Variants in DGKD observed in about 807,000 individuals in gnomAD.
The protein encoded by DGKD is diacylglycerol kinase delta, also known as DAG kinase delta.
Under a neutral mutation model 154.4 loss-of-function variants are expected in DGKD, and 68 were observed. That is an observed-to-expected ratio of 0.44 (90% CI 0.36 to 0.54). The LOEUF (loss-of-function observed/expected upper bound fraction) is 0.54. Among genes scored for constraint, DGKD ranks in the 20% least tolerant of loss-of-function variants. The probability of loss-of-function intolerance (pLI) is 0.00; values close to 1 mark genes in which losing one functional copy is unlikely to be tolerated. For synonymous variants in DGKD, 693 were observed against 638.0 expected (o/e 1.09, Z -1.30); for missense variants, 1,343 against 1,593.6 (o/e 0.84, Z 2.68).
At chr2:233,409,761 T>TA (rs1403135097) in intron 3 of DGKD, among the ~76,000 whole-genome samples, 1 of 142,172 alleles carries the variant, frequency 7.0e-6, no homozygotes, top group Non-Finnish European at 1.5e-5. Context: ...AGTGTAAACC[T>TA]AAAAAACATG....
chr2:233,451,355 G>A (rs1396043851), intron 17 of DGKD, among the ~76,000 whole-genome samples: 4 of 152,096 alleles, frequency 2.6e-5, no homozygotes, highest in Non-Finnish European at 5.9e-5. Context: ...GAAAAGGGAG[G>A]TGGCCGGCCT....
Position 233,422,233 on chromosome 2 carries a change from C to T in DGKD, c.349-12147C>T, listed in dbSNP as rs1291573830. On this transcript the variant is annotated intron_variant, in intron 3 of 29. Coordinates refer to ENST00000264057, the MANE Select transcript of DGKD (RefSeq NM_152879.3). Reference sequence around the variant, plus strand: ...ACTACTGTTTGAGGGCAGGAGCCTGCGATTCTGACATCCTCTCTTCATGGC... The same window carrying T: ...ACTACTGTTTGAGGGCAGGAGCCTGTGATTCTGACATCCTCTCTTCATGGC... Among the ~76,000 whole-genome samples the T allele has an allele frequency of 2.6e-5, 4 of 152,250 alleles. No individual in the cohort carries two copies. In the East Asian group the frequency reaches 5.8e-4, roughly 22 times the overall value.
chr2:233,450,252 A>G lies in DGKD; in HGVS notation c.2038+121A>G, dbSNP rs2063230101. On this transcript the variant is annotated intron_variant, in intron 16 of 29. Transcript: ENST00000264057. The stretch of plus-strand genomic sequence containing the variant: ...ATAGTTGCTTTGGCCACTTGGTTAC[A>G]TAAAAATTGAGCGCCCAAGGCCTGT... 39 of 1,307,742 alleles carry G rather than the reference A, an allele frequency of 3.0e-5. No individual in the cohort carries two copies. In the South Asian group the frequency reaches 5.8e-4, roughly 19 times the overall value. The allele number at this position is 1,307,742 out of a possible 1,614,324, so 81.0% of individuals were successfully genotyped here.
chr2:233,365,937 G>A (rs1308134740), intron 1 of DGKD, among the ~76,000 whole-genome samples: 2 of 152,174 alleles, frequency 1.3e-5, no homozygotes, highest in African/African-American at 4.8e-5. Context: ...TGAAAATCAG[G>A]TAGTTAGAAG....
chr2:233,389,969 C>T lies in DGKD; in HGVS notation c.268-434C>T, dbSNP rs188849346. Among the ~76,000 whole-genome samples, 21 of 152,302 alleles carry T rather than the reference C, an allele frequency of 1.4e-4. 1 individual carries two copies. In the East Asian group the frequency reaches 3.5e-3, roughly 25 times the overall value. ...CCAGGACCTTCCCCCTCCATGTGCT[C>T]GCTGGAGGAACAAGCCAGGAGGACA... On this transcript the variant is annotated intron_variant, in intron 2 of 29. Transcript: ENST00000264057.
intron 29 of DGKD, 75 bp downstream of exon 29, chr2:233,468,628 C>A: frequency 6.3e-7 from 1 of 1,589,862 alleles, no homozygotes; most frequent in South Asian, 1.1e-5. Flanking sequence ...TCCTCTCCCC[C>A]GACCTGGCCA....
Position 233,471,537 on chromosome 2 carries a change from G to T in DGKD, c.*2077G>T, listed in dbSNP as rs41264149. On this transcript the variant is annotated 3_prime_UTR_variant, in exon 30 of 30. Transcript: ENST00000264057. ...AAGCCCCAGGCAAGCTGGAACTTGGGTGGGGAGGGGACATGAGGAGGATAA... is the reference window on the plus strand; with the variant it reads ...AAGCCCCAGGCAAGCTGGAACTTGGTTGGGGAGGGGACATGAGGAGGATAA... 0.037 allele frequency: 5,636 copies of T among 152,502 alleles called. 156 individuals are homozygous for T. Among genetic ancestry groups the T allele is most frequent in the Non-Finnish European group, 0.054 (3,698 of 68,064 alleles). The allele number at this position is 152,502 out of a possible 1,614,324, so 9.4% of individuals were successfully genotyped here. A position where few individuals can be genotyped will look rare whatever the true frequency, so the allele number is the denominator to read the frequency against.
intron 1 of DGKD, among the ~76,000 whole-genome samples, chr2:233,372,390 T>C (rs923960269): frequency 6.6e-6 from 1 of 152,176 alleles, no homozygotes; most frequent in Non-Finnish European, 1.5e-5. Context: ...AAACTTGAAA[T>C]AACACTCATC....
chr2:233,437,644 C>T (rs946375370), intron 8 of DGKD, among the ~76,000 whole-genome samples, 165 bp downstream of exon 8: 1 of 152,244 alleles, frequency 6.6e-6, no homozygotes, highest in Non-Finnish European at 1.5e-5. Context: ...CGGCACACGG[C>T]GCCCTGATGC....
rs1400705874 is a variant in DGKD, at chr2:233,452,358, T to A, written c.2264+298T>A. Among the ~76,000 whole-genome samples, 1 of 152,208 alleles carries A rather than the reference T, an allele frequency of 6.6e-6. No individual in the cohort carries two copies. Among genetic ancestry groups the A allele is most frequent in the Non-Finnish European group, 1.5e-5 (1 of 68,038 alleles). On this transcript the variant is annotated intron_variant, in intron 18 of 29. Coordinates refer to ENST00000264057, the MANE Select transcript of DGKD (RefSeq NM_152879.3). This position sits in a 1 kb window ranked among gnomAD's most constrained non-coding sequence, Gnocchi z 4.0. ...TGAGGCTTTTCACAGGCTCAGCTAC[T>A]CCTGCCAGGAGCTGCCCTTGTGCTG...
rs760208181 is a variant in DGKD, at chr2:233,462,623, AT to A, written c.3094-17del. On this transcript the variant is annotated intron_variant, in intron 25 of 29. Coordinates refer to ENST00000264057, the MANE Select transcript of DGKD (RefSeq NM_152879.3). ...TGTTCGGCCCCCCGCCCCCATGCAT[AT>A]TTGCCTGGTTTCTTCTAGGGGCTCA... 20 of 1,611,656 alleles carry A rather than the reference AT, an allele frequency of 1.2e-5. No homozygotes were observed. The highest frequency in any genetic ancestry group is 3.3e-4 in the Middle Eastern group (2 of 6,070).
chr2:233,402,518 T>C (rs1193166906), intron 3 of DGKD, among the ~76,000 whole-genome samples: 1 of 152,152 alleles, frequency 6.6e-6, no homozygotes, highest in Non-Finnish European at 1.5e-5. Context: ...TTCTGTTGCT[T>C]CTTTTTGTTA....
At chr2:233,447,282 A>G (rs1445235060) in intron 12 of DGKD, among the ~76,000 whole-genome samples, 1 of 151,942 alleles carries the variant, frequency 6.6e-6, no homozygotes, top group East Asian at 1.9e-4. Context: ...GGTTCTTTTC[A>G]TTTGGTGATT....
At position 233,457,937 on chromosome 2, in the gene DGKD, G is replaced by A. The variant is rs114205572; in HGVS notation, c.2581-347G>A. On this transcript the variant is annotated intron_variant, in intron 21 of 29. Transcript: ENST00000264057. The surrounding 1 kb of genome is among the most constrained non-coding windows in gnomAD (Gnocchi z 5.5). ...GTAATAGCGAATAGAAGTATTCAGC[G>A]CTTCCTGCACACGTGGTGTGTGCTG... 0.012 allele frequency: 4,001 copies of A among 338,648 alleles called. 124 individuals are homozygous for A. The highest frequency in any genetic ancestry group is 0.072 in the African/African-American group (3,449 of 48,102). The allele number at this position is 338,648 out of a possible 1,614,324, so 21.0% of individuals were successfully genotyped here.
intron 27 of DGKD, among the ~76,000 whole-genome samples, chr2:233,465,094 A>G (rs1320159137): frequency 6.6e-6 from 1 of 152,188 alleles, no homozygotes; most frequent in African/African-American, 2.4e-5. Flanking sequence ...CAATCCTTTC[A>G]TGGGAAACTG....
At chr2:233,465,647 T>C (rs2063801455) in intron 27 of DGKD, among the ~76,000 whole-genome samples, 1 of 152,204 alleles carries the variant, frequency 6.6e-6, no homozygotes, top group Non-Finnish European at 1.5e-5. Flanking sequence ...AAAAGATTTA[T>C]ATCTTCCAAA....
chr2:233,455,087 A>G (rs1190130648), intron 19 of DGKD, among the ~76,000 whole-genome samples: 1 of 152,226 alleles, frequency 6.6e-6, no homozygotes, highest in Non-Finnish European at 1.5e-5. Context: ...AGGGAAATTC[A>G]ACATCGGAAA....
At chr2:233,431,778 G>A (rs1221494805) in intron 3 of DGKD, among the ~76,000 whole-genome samples, 1 of 152,210 alleles carries the variant, frequency 6.6e-6, no homozygotes, top group African/African-American at 2.4e-5. Flanking sequence ...ATATGCAGAA[G>A]AATGAAACTA....
chr2:233,449,934 C>A lies in DGKD; in HGVS notation c.1889-48C>A. On this transcript the variant is annotated intron_variant, in intron 15 of 29. Coordinates refer to ENST00000264057, the MANE Select transcript of DGKD (RefSeq NM_152879.3). This position sits in a 1 kb window ranked among gnomAD's most constrained non-coding sequence, Gnocchi z 5.3. ...GCCCTCCACCCAGCCTGACAGCGCC[C>A]TTGGCTTTGCACCCGCGTGCTCAGC... 6.5e-7 allele frequency: 1 copy of A among 1,527,602 alleles called. No individual in the cohort carries two copies. Among genetic ancestry groups the A allele is most frequent in the Admixed American group, 2.0e-5 (1 of 49,022 alleles). 94.6% of individuals were successfully genotyped at this position (1,527,602 alleles called of 1,614,324 possible).
Sources: allele counts gnomAD v4.1 joint callset (sites outside exome capture counted in the v4.1 genomes callset), GRCh38; gene constraint gnomAD v4.1.1; non-coding constraint Gnocchi (gnomAD v3.1); transcripts MANE v1.5; gene names NCBI Gene and HGNC (gene_info 2026-07-23, HGNC 2026-07-21).